The following RAB3C variants were observed in gnomAD, a reference collection of about 807,000 sequenced individuals.
RAB3C encodes ras-related protein Rab-3C.
In RAB3C, 17 loss-of-function variants were observed where a neutral mutation model predicts 26.4. The observed-to-expected ratio is 0.64, with a 90% confidence interval of 0.44 to 0.97. RAB3C has a LOEUF of 0.97. Ranked by LOEUF, RAB3C falls within the 50% of genes least tolerant of loss-of-function variation. The probability of loss-of-function intolerance (pLI) is 0.00; values close to 1 mark genes in which losing one functional copy is unlikely to be tolerated. For synonymous variants in RAB3C, 91 were observed against 95.9 expected (o/e 0.95, Z 0.30); for missense variants, 242 against 281.9 (o/e 0.86, Z 1.01).
chr5:58,833,449 G>A (rs932033542), intron 4 of RAB3C, among the ~76,000 whole-genome samples: 1 of 152,072 alleles, frequency 6.6e-6, no homozygotes, highest in Non-Finnish European at 1.5e-5. Flanking sequence ...AGCCATGGTT[G>A]AGAACCCTTG....
chr5:58,692,525 A>G (rs975933973), intron 2 of RAB3C, among the ~76,000 whole-genome samples: 3 of 152,104 alleles, frequency 2.0e-5, no homozygotes, highest in African/African-American at 7.2e-5. Context: ...GACAGTTAGA[A>G]CGTTACATAT....
At chr5:58,663,238 A>G (rs1747941589) in intron 2 of RAB3C, among the ~76,000 whole-genome samples, 1 of 150,022 alleles carries the variant, frequency 6.7e-6, no homozygotes, top group East Asian at 1.9e-4. Context: ...AAAATATTCA[A>G]ATGATTGCTT....
chr5:58,597,113 T>TAATACATTATATATATTATATAATATAG (rs1561260602), intron 1 of RAB3C, among the ~76,000 whole-genome samples: 1 of 50,324 alleles, frequency 2.0e-5, no homozygotes, highest in African/African-American at 8.5e-5. Flanking sequence ...ATATAATATA[T>TAATACATTATATATATTATATAATATAG]ATAATACATA....
chr5:58,828,003 G>A (rs1312282618), intron 4 of RAB3C, among the ~76,000 whole-genome samples: 1 of 152,100 alleles, frequency 6.6e-6, no homozygotes, highest in Non-Finnish European at 1.5e-5. Context: ...CTGCTTTATC[G>A]ATCTGGTAGC....
At chr5:58,762,596 G>A (rs1238955347) in intron 3 of RAB3C, among the ~76,000 whole-genome samples, 1 of 152,172 alleles carries the variant, frequency 6.6e-6, no homozygotes, top group African/African-American at 2.4e-5. Flanking sequence ...GGGAAGCTGA[G>A]GCAGAAGAAT....
At chr5:58,796,078 C>A (rs1303710477) in intron 3 of RAB3C, among the ~76,000 whole-genome samples, 1 of 152,148 alleles carries the variant, frequency 6.6e-6, no homozygotes, top group Non-Finnish European at 1.5e-5. Flanking sequence ...CAACAGATGA[C>A]CTTTCCCTGT....
intron 2 of RAB3C, among the ~76,000 whole-genome samples, chr5:58,699,029 C>T (rs1449581669): frequency 6.6e-6 from 1 of 152,202 alleles, no homozygotes; most frequent in Non-Finnish European, 1.5e-5. Context: ...GTATTTTCAG[C>T]TTTTCTGCTC....
intron 1 of RAB3C, among the ~76,000 whole-genome samples, chr5:58,613,232 C>G (rs904808092): frequency 5.3e-5 from 8 of 152,110 alleles, no homozygotes; most frequent in African/African-American, 1.9e-4. Context: ...TGCTATTGAA[C>G]CAAGGCCTAC....
At chr5:58,593,399 T>C (rs1027097259) in intron 1 of RAB3C, among the ~76,000 whole-genome samples, 5 of 152,288 alleles carry the variant, frequency 3.3e-5, no homozygotes, top group Admixed American at 1.3e-4. Flanking sequence ...GAGCTTCTTA[T>C]AAAAAAGGTG....
chr5:58,855,939 A>G lies in RAB3C; in HGVS notation c.*4588A>G, dbSNP rs796453931. On this transcript the variant is annotated 3_prime_UTR_variant, in exon 5 of 5. Coordinates refer to ENST00000282878, the MANE Select transcript of RAB3C (RefSeq NM_138453.4). ...CACAAATAATTTTTTTCTTAAAAAT[A>G]TTTACAGAAATGCTTGACACTCCGG... 5 of 152,272 alleles carry G rather than the reference A, an allele frequency of 3.3e-5. No individual in the cohort carries two copies. The highest frequency in any genetic ancestry group is 1.2e-4 in the African/African-American group (5 of 41,558). The allele number at this position is 152,272 out of a possible 1,614,324, so 9.4% of individuals were successfully genotyped here. A position where few individuals can be genotyped will look rare whatever the true frequency, so the allele number is the denominator to read the frequency against.
intron 2 of RAB3C, among the ~76,000 whole-genome samples, chr5:58,693,223 G>A (rs1299364274): frequency 7.0e-6 from 1 of 142,770 alleles, no homozygotes; most frequent in Non-Finnish European, 1.5e-5. Flanking sequence ...TATAAATATA[G>A]TTAAGATAAA....
chr5:58,718,572 G>A (rs763218726), intron 2 of RAB3C, among the ~76,000 whole-genome samples: 4 of 152,036 alleles, frequency 2.6e-5, no homozygotes, highest in African/African-American at 9.7e-5. Context: ...AGAAGTGGAT[G>A]CCATTGTAAA....
At chr5:58,668,751 C>A (rs1214243812) in intron 2 of RAB3C, among the ~76,000 whole-genome samples, 1 of 152,022 alleles carries the variant, frequency 6.6e-6, no homozygotes, top group Non-Finnish European at 1.5e-5. Context: ...AGTACCTAAG[C>A]CAAAAATAGA....
At chr5:58,769,555 A>C (rs1227982190) in intron 3 of RAB3C, among the ~76,000 whole-genome samples, 1 of 152,142 alleles carries the variant, frequency 6.6e-6, no homozygotes, top group Non-Finnish European at 1.5e-5. Context: ...AAAAGAATAG[A>C]AGCACTGACA....
At chr5:58,596,931 A>C (rs1746294461) in intron 1 of RAB3C, among the ~76,000 whole-genome samples, 1 of 95,802 alleles carries the variant, frequency 1.0e-5, no homozygotes, top group African/African-American at 4.4e-5. Flanking sequence ...AATATATTAT[A>C]TATAAATATA....
chr5:58,702,605 G>GCA (rs1200111399), intron 2 of RAB3C, among the ~76,000 whole-genome samples: 1 of 145,182 alleles, frequency 6.9e-6, no homozygotes. Flanking sequence ...TCTCTCTCCT[G>GCA]CACACACACA....
chr5:58,665,461 G>T (rs1237662028), intron 2 of RAB3C, among the ~76,000 whole-genome samples: 1 of 152,122 alleles, frequency 6.6e-6, no homozygotes, highest in African/African-American at 2.4e-5. Context: ...GAAATGAGCT[G>T]CTATGTGCCT....
intron 3 of RAB3C, among the ~76,000 whole-genome samples, chr5:58,798,194 C>G (rs1042270569): frequency 6.6e-6 from 1 of 151,908 alleles, no homozygotes; most frequent in African/African-American, 2.4e-5. Flanking sequence ...TTGATTCAGG[C>G]AGAGGTCATC....
rs754987008 is a variant in RAB3C, at chr5:58,851,357, C to T, written c.*6C>T. ...AGCCCAACTGTGCCTGCTAGTGTCC[C>T]CGTGCACACAGGCAGCTCCAGGGGG... On this transcript the variant is annotated 3_prime_UTR_variant, in exon 5 of 5. Coordinates refer to ENST00000282878, the MANE Select transcript of RAB3C (RefSeq NM_138453.4). The T allele has an allele frequency of 6.3e-7, 1 of 1,583,058 alleles. No individual in the cohort carries two copies. The highest frequency in any genetic ancestry group is 8.6e-7 in the Non-Finnish European group (1 of 1,167,210).
Sources: allele counts gnomAD v4.1 joint callset (sites outside exome capture counted in the v4.1 genomes callset), GRCh38; gene constraint gnomAD v4.1.1; transcripts MANE v1.5; gene names NCBI Gene and HGNC (gene_info 2026-07-23, HGNC 2026-07-21).